The following RPRD2 variants were observed in gnomAD, a reference collection of about 807,000 sequenced individuals.
RPRD2 encodes the protein regulation of nuclear pre-mRNA domain-containing protein 2.
A neutral mutation model predicts 104.4 loss-of-function variants in RPRD2; 12 were observed. That is an observed-to-expected ratio of 0.11 (90% CI 0.07 to 0.19). RPRD2 has a LOEUF of 0.19. Among genes scored for constraint, RPRD2 ranks in the 10% least tolerant of loss-of-function variants. RPRD2 has a pLI of 1.00. For synonymous variants in RPRD2, 714 were observed against 684.9 expected, an observed-to-expected ratio of 1.04 and a Z score of -0.66; for missense variants, 1,543 against 1,790.1, an observed-to-expected ratio of 0.86 and a Z score of 2.49.
Position 150,364,649 on chromosome 1 carries a change from CCCGCTCCCGCCG to C in RPRD2, c.-61_-50del. The C allele has an allele frequency of 1.2e-6, 1 of 839,896 alleles. No individual in the cohort carries two copies. Among genetic ancestry groups the C allele is most frequent in the South Asian group, 1.6e-5 (1 of 62,166 alleles). The allele number at this position is 839,896 out of a possible 1,614,324, so 52.0% of individuals were successfully genotyped here. On this transcript the variant is annotated 5_prime_UTR_variant, in exon 1 of 11. Coordinates refer to ENST00000369068, the MANE Select transcript of RPRD2 (RefSeq NM_015203.5). The stretch of plus-strand genomic sequence containing the variant: ...TCACGCACTCGCAGTGATTGTTTTG[CCCGCTCCCGCCG>C]CCGCCGCCGCCGCCGCCGCCAGAGG...
chr1:150,380,682 GTC>G lies in RPRD2; in HGVS notation c.205+15771_205+15772del, dbSNP rs587688954. Among the ~76,000 whole-genome samples, 137 of 151,698 alleles carry G rather than the reference GTC, an allele frequency of 9.0e-4. 4 individuals carry two copies. The South Asian group carries it at 0.027, about 30-fold the overall frequency. ...TTTATTTTTATTTTTTTGGGACGGA[GTC>G]TCTCTCTGTCGCCAGGCTGGAGTGC... On this transcript the variant is annotated intron_variant, in intron 1 of 10. Coordinates refer to ENST00000369068, the MANE Select transcript of RPRD2 (RefSeq NM_015203.5).
chr1:150,462,499 TA>T (rs1353926162), intron 9 of RPRD2, among the ~76,000 whole-genome samples: 3 of 151,920 alleles, frequency 2.0e-5, no homozygotes, highest in Non-Finnish European at 2.9e-5. Flanking sequence ...ATTTTATGAA[TA>T]ACCCTTTGCA....
intron 4 of RPRD2, 142 bp downstream of exon 4, chr1:150,442,100 T>TA: frequency 2.6e-6 from 1 of 384,516 alleles, no homozygotes; most frequent in Non-Finnish European, 4.7e-6. Context: ...TGACCTATGC[T>TA]AAACAAGCCA....
intron 1 of RPRD2, among the ~76,000 whole-genome samples, chr1:150,399,022 A>G (rs1325321401): frequency 6.6e-6 from 1 of 152,022 alleles, no homozygotes; most frequent in African/African-American, 2.4e-5. Context: ...TTATTTTTTG[A>G]GAAAGGGTCC....
intron 7 of RPRD2, among the ~76,000 whole-genome samples, chr1:150,455,982 A>G (rs1553897488): frequency 6.6e-6 from 1 of 151,958 alleles, no homozygotes; most frequent in African/African-American, 2.4e-5. Context: ...GCATGCTACT[A>G]TGCCCAGCTA....
chr1:150,391,870 T>C (rs1364307434), intron 1 of RPRD2, among the ~76,000 whole-genome samples: 1 of 151,950 alleles, frequency 6.6e-6, no homozygotes, highest in Non-Finnish European at 1.5e-5. Context: ...ATCGCACCAC[T>C]GCACTCCAGC....
chr1:150,379,782 C>G lies in RPRD2; in HGVS notation c.205+14863C>G, dbSNP rs782438874. Among the ~76,000 whole-genome samples, 6 of 152,328 alleles carry G rather than the reference C, an allele frequency of 3.9e-5. No homozygotes were observed. In the South Asian group the frequency reaches 8.3e-4, roughly 21 times the overall value. ...CGATCTCTTGACCTTGTGATCTGCCCGCCTTGGCCTCCCTAAGTACTGGGA... is the reference window on the plus strand; with the variant it reads ...CGATCTCTTGACCTTGTGATCTGCCGGCCTTGGCCTCCCTAAGTACTGGGA... On this transcript the variant is annotated intron_variant, in intron 1 of 10. Coordinates refer to ENST00000369068, the MANE Select transcript of RPRD2 (RefSeq NM_015203.5).
At chr1:150,422,931 C>T (rs1664866324) in intron 2 of RPRD2, among the ~76,000 whole-genome samples, 1 of 152,160 alleles carries the variant, frequency 6.6e-6, no homozygotes, top group East Asian at 1.9e-4. Flanking sequence ...CTATTTTCTC[C>T]AGTACTTATC....
chr1:150,380,111 A>G (rs587708745), intron 1 of RPRD2, among the ~76,000 whole-genome samples: 7 of 152,358 alleles, frequency 4.6e-5, no homozygotes, highest in African/African-American at 1.4e-4. Flanking sequence ...AAAAATGGAC[A>G]TAAAAATATA....
chr1:150,365,930 A>G (rs1314809832), intron 1 of RPRD2, among the ~76,000 whole-genome samples: 2 of 152,134 alleles, frequency 1.3e-5, no homozygotes, highest in Non-Finnish European at 2.9e-5. Flanking sequence ...TTTTTACACA[A>G]TTGAGTTGAT....
chr1:150,466,657 G>A (rs748196584), intron 10 of RPRD2, among the ~76,000 whole-genome samples: 25 of 151,486 alleles, frequency 1.7e-4, no homozygotes, highest in Non-Finnish European at 2.5e-4. Flanking sequence ...AGTCTTAGAT[G>A]TAGTATTTTT....
rs1034450301 is a variant in RPRD2, at chr1:150,364,164, G to T, written c.-551G>T. Among the ~76,000 whole-genome samples, 1 of 152,176 alleles carries T rather than the reference G, an allele frequency of 6.6e-6. No homozygotes were observed. The highest frequency in any genetic ancestry group is 2.4e-5 in the African/African-American group (1 of 41,456). On this transcript the variant is annotated 5_prime_UTR_variant, in exon 1 of 11. Transcript: ENST00000369068. The stretch of plus-strand genomic sequence containing the variant: ...TGCGCGATACTGTTGCTGCCCCTTT[G>T]CTGCTATTGCGTTGCAAAAAAAATC...
rs1668597866 is a variant in RPRD2, at chr1:150,471,695, T to C, written c.2747T>C (p.Phe916Ser). 1 of 1,613,780 alleles carries C rather than the reference T, an allele frequency of 6.2e-7. No individual in the cohort carries two copies. The highest frequency in any genetic ancestry group is 1.3e-5 in the African/African-American group (1 of 74,892). ...LSSSPGLFGAFSVRGNEPGSD... is the reference protein window; with the variant it reads ...LSSSPGLFGASSVRGNEPGSD... ...TCTTCCCCTGGGCTATTTGGTGCCT[T>C]CAGCGTAAGAGGGAATGAACCTGGG... The change falls in exon 11 of 11, where the codon TTC (phenylalanine) becomes TCC (serine). Residue 916 changes from phenylalanine to serine, a missense_variant. Around this residue, in one of 4 missense-constraint regions of RPRD2, gnomAD observed 880 missense variants for 885.6 expected, o/e 0.99. Coordinates refer to ENST00000369068, the MANE Select transcript of RPRD2 (RefSeq NM_015203.5). This position sits in a 1 kb window ranked among gnomAD's most constrained non-coding sequence, Gnocchi z 5.3.
intron 10 of RPRD2, among the ~76,000 whole-genome samples, chr1:150,468,858 C>T (rs587672123): frequency 6.7e-6 from 1 of 149,956 alleles, no homozygotes; most frequent in South Asian, 2.1e-4. Flanking sequence ...GCCTGGGTGA[C>T]AGAGCAAGAG....
chr1:150,444,127 G>C, intron 5 of RPRD2, 124 bp from the exon 6 acceptor site: 1 of 916,150 alleles, frequency 1.1e-6, no homozygotes, highest in South Asian at 1.9e-5. Flanking sequence ...TTCCTCCCAG[G>C]GTTTTGTTAA....
At chr1:150,387,116 T>G (rs1263322568) in intron 1 of RPRD2, among the ~76,000 whole-genome samples, 3 of 152,208 alleles carry the variant, frequency 2.0e-5, no homozygotes, top group African/African-American at 7.2e-5. Flanking sequence ...TTAGACTACA[T>G]GGTTCATCTG....
At chr1:150,409,790 G>A (rs1440571518) in intron 1 of RPRD2, among the ~76,000 whole-genome samples, 1 of 151,552 alleles carries the variant, frequency 6.6e-6, no homozygotes, top group Non-Finnish European at 1.5e-5. Context: ...GATTACAGAC[G>A]CATGCCACCA....
At chr1:150,444,506 C>G in intron 6 of RPRD2, 129 bp downstream of exon 6, 1 of 819,910 alleles carries the variant, frequency 1.2e-6, no homozygotes. Flanking sequence ...TCTGGTTTCC[C>G]AGGTAGTTAT....
At chr1:150,389,550 T>G (rs1661903152) in intron 1 of RPRD2, among the ~76,000 whole-genome samples, 2 of 152,226 alleles carry the variant, frequency 1.3e-5, no homozygotes, top group South Asian at 4.1e-4. Context: ...GTTTTACCGC[T>G]AATGATACTA....
Sources: allele counts gnomAD v4.1 joint callset (sites outside exome capture counted in the v4.1 genomes callset), GRCh38; gene constraint gnomAD v4.1.1; regional missense constraint gnomAD v4.1.1; non-coding constraint Gnocchi (gnomAD v3.1); transcripts MANE v1.5; gene names NCBI Gene and HGNC (gene_info 2026-07-23, HGNC 2026-07-21).